Variants in TENM3 observed in about 807,000 individuals in gnomAD.
TENM3 encodes the protein teneurin transmembrane protein 3, also known as teneurin-3.
In TENM3, 63 loss-of-function variants were observed where a neutral mutation model predicts 255.1. The observed-to-expected ratio is 0.25, with a 90% CI of 0.20 to 0.30. The LOEUF (loss-of-function observed/expected upper bound fraction) is 0.30. Ranked by LOEUF, TENM3 falls within the 10% of genes least tolerant of loss-of-function variation. The pLI is 1.00. For synonymous variants in TENM3, 1,306 were observed against 1,322.3 expected, an observed-to-expected ratio of 0.99 and a Z score of 0.27; for missense variants, 2,929 against 3,461.1, an observed-to-expected ratio of 0.85 and a Z score of 3.86.
In TENM3 at chr4:182,775,161, C is replaced by A; in HGVS notation, c.5304+8C>A. ...TTTGGCCGCAAGCTCAGGGTACGTA[C>A]GTGTTGTGGAGCAGGAGATAGCTGC... On this transcript the variant is annotated splice_region_variant and intron_variant, in intron 24 of 27. Transcript: ENST00000511685. 2 of 1,612,700 alleles carry A rather than the reference C, an allele frequency of 1.2e-6. No individual in the cohort carries two copies. The highest frequency in any genetic ancestry group is 2.2e-5 in the South Asian group (2 of 91,042).
chr4:182,357,623 T>C (rs1765650444), intron 3 of TENM3, among the ~76,000 whole-genome samples: 1 of 149,654 alleles, frequency 6.7e-6, no homozygotes, highest in Non-Finnish European at 1.5e-5. Flanking sequence ...ATTAGCCCTT[T>C]GTCAGATGAG....
intron 2 of TENM3, among the ~76,000 whole-genome samples, chr4:182,342,758 C>T (rs916060479): frequency 1.2e-4 from 18 of 152,022 alleles, no homozygotes; most frequent in South Asian, 2.1e-4. Context: ...ATGCCTTCCC[C>T]GTGGGGTGCT....
At chr4:182,387,765 G>C (rs996384284) in intron 3 of TENM3, among the ~76,000 whole-genome samples, 2 of 151,380 alleles carry the variant, frequency 1.3e-5, no homozygotes, top group Non-Finnish European at 2.9e-5. Flanking sequence ...CCACCAGAAG[G>C]AAAAAACTCC....
intron 1 of TENM3, among the ~76,000 whole-genome samples, chr4:182,169,723 TG>T (rs1751976275): frequency 6.6e-6 from 1 of 151,934 alleles, no homozygotes; most frequent in Admixed American, 6.6e-5. Flanking sequence ...ACCTCTCCTG[TG>T]GGGGTTAAGA....
At chr4:182,015,352 G>A in the TENM3 span, among the ~76,000 whole-genome samples, 11 of 152,072 alleles carry the variant, frequency 7.2e-5, no homozygotes, top group Admixed American at 2.0e-4. Flanking sequence ...TGTCTTGTTC[G>A]AATGTTAATA....
chr4:182,035,862 C>T, the TENM3 span, among the ~76,000 whole-genome samples: 1 of 152,200 alleles, frequency 6.6e-6, no homozygotes, highest in Non-Finnish European at 1.5e-5. Flanking sequence ...TGCCCCACCA[C>T]ACACTGCTTA....
intron 6 of TENM3, among the ~76,000 whole-genome samples, chr4:182,664,667 A>G (rs1263098917): frequency 1.3e-5 from 2 of 152,198 alleles, no homozygotes; most frequent in African/African-American, 4.8e-5. Context: ...TTTAAAGGCA[A>G]TTGAAAGCAC....
At chr4:182,036,746 T>G in the TENM3 span, among the ~76,000 whole-genome samples, 1 of 152,226 alleles carries the variant, frequency 6.6e-6, no homozygotes, top group Non-Finnish European at 1.5e-5. Context: ...CATGTGTTAG[T>G]CTAGTGTTAA....
At chr4:181,681,291 TC>T in the TENM3 span, among the ~76,000 whole-genome samples, 1 of 150,170 alleles carries the variant, frequency 6.7e-6, no homozygotes, top group African/African-American at 2.4e-5. Context: ...CAGTTTTTTT[TC>T]GTAGAAATAA....
the TENM3 span, among the ~76,000 whole-genome samples, chr4:181,849,147 A>T: frequency 6.6e-6 from 1 of 152,234 alleles, no homozygotes; most frequent in Non-Finnish European, 1.5e-5. Context: ...CACAGTCATA[A>T]GTAAAAGTGC....
chr4:182,293,332 G>A (rs1052731736), intron 1 of TENM3, among the ~76,000 whole-genome samples: 8 of 152,128 alleles, frequency 5.3e-5, no homozygotes, highest in Admixed American at 2.6e-4. Flanking sequence ...CACCAGAAAC[G>A]ACAGCAGGTC....
chr4:182,452,465 C>G (rs965956089), intron 3 of TENM3, among the ~76,000 whole-genome samples: 4 of 152,094 alleles, frequency 2.6e-5, no homozygotes, highest in Non-Finnish European at 4.4e-5. Context: ...GTCACAAATA[C>G]AAGCTGCGGA....
At chr4:181,612,981 G>A in the TENM3 span, among the ~76,000 whole-genome samples, 1 of 152,194 alleles carries the variant, frequency 6.6e-6, no homozygotes, top group South Asian at 2.1e-4. Flanking sequence ...TTTTTAATAG[G>A]TCTTAAGTTT....
the TENM3 span, among the ~76,000 whole-genome samples, chr4:181,851,072 T>C: frequency 6.6e-6 from 1 of 152,108 alleles, no homozygotes; most frequent in African/African-American, 2.4e-5. Flanking sequence ...GAAACCCACT[T>C]CCCAAAGAGA....
chr4:182,100,696 CACAT>C, the TENM3 span, among the ~76,000 whole-genome samples: 1 of 68,816 alleles, frequency 1.5e-5, no homozygotes, highest in African/African-American at 5.5e-5. Flanking sequence ...TATATATACA[CACAT>C]ATATATACAC....
intron 5 of TENM3, among the ~76,000 whole-genome samples, chr4:182,652,185 A>G (rs1037413005): frequency 7.2e-5 from 11 of 152,350 alleles, no homozygotes; most frequent in African/African-American, 2.4e-4. Context: ...GGTATCAGGC[A>G]CTGTATCCTT....
chr4:182,380,466 T>C (rs1164746222), intron 3 of TENM3, among the ~76,000 whole-genome samples: 2 of 152,218 alleles, frequency 1.3e-5, no homozygotes, highest in Non-Finnish European at 2.9e-5. Flanking sequence ...GCTAGTGCAG[T>C]GCCTGGCATT....
intron 23 of TENM3, among the ~76,000 whole-genome samples, chr4:182,774,675 G>A (rs1213018768): frequency 6.6e-6 from 1 of 152,148 alleles, no homozygotes; most frequent in East Asian, 1.9e-4. Context: ...ATGAGAAAAA[G>A]AAGTCTATTA....
chr4:181,963,201 C>T, the TENM3 span, among the ~76,000 whole-genome samples: 10 of 152,066 alleles, frequency 6.6e-5, no homozygotes, highest in African/African-American at 1.9e-4. Flanking sequence ...ATGGGGAGCC[C>T]GATCCGTCAG....
Sources: gnomAD v4.1 joint callset for allele counts (sites outside exome capture counted in the v4.1 genomes callset) on GRCh38, gnomAD v4.1.1 for gene constraint, MANE v1.5 for transcripts, NCBI Gene and HGNC (gene_info 2026-07-23, HGNC 2026-07-21) for gene names.